Variants in P2RY14 observed in about 807,000 individuals in gnomAD.
P2RY14 encodes P2Y purinoceptor 14.
P2RY14 carries 2 observed loss-of-function variants against 0.9 expected under a neutral mutation model. That is an observed-to-expected ratio of 2.16 (90% CI 0.88 to 6.79). P2RY14 has a LOEUF of 6.79. Ranked by LOEUF, P2RY14 falls within the 30% of genes most tolerant of loss-of-function variation. The pLI, the probability that P2RY14 is intolerant of heterozygous loss-of-function variation, is 0.05. For synonymous variants in P2RY14, 158 were observed against 147.2 expected (o/e 1.07, Z -0.53); for missense variants, 378 against 400.1 (o/e 0.94, Z 0.47).
intron 1 of P2RY14, among the ~76,000 whole-genome samples, chr3:151,230,071 G>A (rs925913102): frequency 2.0e-5 from 3 of 152,030 alleles, no homozygotes; most frequent in East Asian, 1.9e-4. Flanking sequence ...CTGGGTTCAC[G>A]CCATTCTCCC....
intron 1 of P2RY14, among the ~76,000 whole-genome samples, chr3:151,226,451 A>G (rs957187857): frequency 6.6e-6 from 1 of 152,184 alleles, no homozygotes; most frequent in Non-Finnish European, 1.5e-5. Context: ...AGGGCACCTA[A>G]CACATAGCCA....
At chr3:151,277,182 G>A (rs1322561468) in intron 1 of P2RY14, among the ~76,000 whole-genome samples, 3 of 151,438 alleles carry the variant, frequency 2.0e-5, no homozygotes, top group Non-Finnish European at 2.9e-5. Context: ...GGGATTACAG[G>A]TGTGAGCCAC....
rs567206198 is a variant in P2RY14 at position 151,274,246 on chromosome 3, T to C, written c.-133+4041A>G. Among the ~76,000 whole-genome samples, 19 of 152,368 alleles carry C rather than the reference T, an allele frequency of 1.2e-4. No individual in the cohort carries two copies. In the South Asian group the frequency reaches 3.5e-3, roughly 28 times the overall value. ...AAAATAATTCCTACTTAACCTGTTA[T>C]TTTGGTTAACCTGTATTTTTCCTTA... On this transcript the variant is annotated intron_variant, in intron 1 of 2. Transcript: ENST00000309170.
At chr3:151,218,411 G>C (rs1267661537) in intron 2 of P2RY14, among the ~76,000 whole-genome samples, 1 of 152,146 alleles carries the variant, frequency 6.6e-6, no homozygotes, top group Non-Finnish European at 1.5e-5. Context: ...GTGTCTGTTT[G>C]TGGAGCCCTG....
At chr3:151,230,759 C>A (rs1731506838) in intron 1 of P2RY14, among the ~76,000 whole-genome samples, 1 of 152,128 alleles carries the variant, frequency 6.6e-6, no homozygotes, top group Non-Finnish European at 1.5e-5. Flanking sequence ...TCATGACACC[C>A]CAATAGCTGT....
At chr3:151,243,834 G>C (rs1734770741) in intron 1 of P2RY14, among the ~76,000 whole-genome samples, 1 of 151,080 alleles carries the variant, frequency 6.6e-6, no homozygotes, top group South Asian at 2.1e-4. Context: ...ATTGGATAAA[G>C]AGTCAAGACC....
At chr3:151,244,498 A>C (rs1262682284) in intron 1 of P2RY14, among the ~76,000 whole-genome samples, 3 of 148,304 alleles carry the variant, frequency 2.0e-5, no homozygotes, top group Admixed American at 6.8e-5. Context: ...GAAACTGAAC[A>C]ACCTGCTCCT....
intron 2 of P2RY14, among the ~76,000 whole-genome samples, chr3:151,216,406 G>A (rs1003073423): frequency 1.3e-5 from 2 of 152,122 alleles, no homozygotes; most frequent in African/African-American, 4.8e-5. Context: ...GCATGACAAA[G>A]GGATATTTTG....
chr3:151,236,249 A>T (rs1356677649), intron 1 of P2RY14, among the ~76,000 whole-genome samples: 1 of 152,202 alleles, frequency 6.6e-6, no homozygotes, highest in Admixed American at 6.5e-5. Flanking sequence ...TTAACTGTCA[A>T]ATGATGAGTT....
chr3:151,269,337 T>A (rs1740420278), intron 1 of P2RY14: 1 of 157,108 alleles, frequency 6.4e-6, no homozygotes, highest in Non-Finnish European at 1.4e-5. Flanking sequence ...GAGGTGGAGG[T>A]TGCAGTGACC....
At chr3:151,249,249 C>T (rs186214082) in intron 1 of P2RY14, 1 of 152,164 alleles carries the variant, frequency 6.6e-6, no homozygotes, top group Non-Finnish European at 1.5e-5. Context: ...GAAGATAGAT[C>T]TTTCCCATGC....
chr3:151,221,241 A>G (rs1729286246), intron 1 of P2RY14, among the ~76,000 whole-genome samples: 1 of 152,220 alleles, frequency 6.6e-6, no homozygotes, highest in Non-Finnish European at 1.5e-5. Flanking sequence ...AAAAGCATTC[A>G]GTTTTATAAG....
At chr3:151,268,597 TA>T (rs1177683832) in intron 1 of P2RY14, among the ~76,000 whole-genome samples, 2 of 152,244 alleles carry the variant, frequency 1.3e-5, no homozygotes, top group East Asian at 3.8e-4. Flanking sequence ...AAATTTTGTC[TA>T]ATTTGTGAGT....
intron 1 of P2RY14, among the ~76,000 whole-genome samples, chr3:151,276,282 A>T (rs28527299): frequency 6.6e-6 from 1 of 152,032 alleles, no homozygotes; most frequent in African/African-American, 2.4e-5. Flanking sequence ...CTCACTGGTG[A>T]TGTTGATTCA....
At chr3:151,252,734 C>T (rs1253726906) in intron 1 of P2RY14, among the ~76,000 whole-genome samples, 1 of 152,030 alleles carries the variant, frequency 6.6e-6, no homozygotes, top group Non-Finnish European at 1.5e-5. Flanking sequence ...ATTCAGTTTG[C>T]TATGCAGGAG....
chr3:151,273,749 T>C (rs1281353850), intron 1 of P2RY14, among the ~76,000 whole-genome samples: 1 of 152,184 alleles, frequency 6.6e-6, no homozygotes, highest in East Asian at 1.9e-4. Flanking sequence ...CTACTTGGCA[T>C]TGTACACATA....
At chr3:151,251,454 T>A (rs1736838864) in intron 1 of P2RY14, among the ~76,000 whole-genome samples, 1 of 152,152 alleles carries the variant, frequency 6.6e-6, no homozygotes, top group Admixed American at 6.5e-5. Context: ...TTGTCTGTGT[T>A]CCCTGCCTTC....
At chr3:151,215,112 G>A (rs1727941792) in intron 2 of P2RY14, among the ~76,000 whole-genome samples, 1 of 151,376 alleles carries the variant, frequency 6.6e-6, no homozygotes, top group East Asian at 1.9e-4. Context: ...TCAATATTGA[G>A]CTTTTTTTTT....
intron 1 of P2RY14, among the ~76,000 whole-genome samples, chr3:151,252,580 G>C (rs899217125): frequency 5.3e-5 from 8 of 152,030 alleles, no homozygotes; most frequent in Non-Finnish European, 1.0e-4. Context: ...TCTCTTTCAA[G>C]TTTTACTTAT....
Sources: allele counts gnomAD v4.1 joint callset (sites outside exome capture counted in the v4.1 genomes callset), GRCh38; gene constraint gnomAD v4.1.1; transcripts MANE v1.5; gene names NCBI Gene and HGNC (gene_info 2026-07-23, HGNC 2026-07-21).